DNAH5: variants seen among roughly 807,000 people sequenced by gnomAD.
The protein encoded by DNAH5 is axonemal beta dynein heavy chain 5.
In DNAH5, 372 loss-of-function variants were observed where a neutral mutation model predicts 518.2. The ratio of observed to expected loss-of-function variants is 0.72; its 90% CI spans 0.66 to 0.78. DNAH5 has a LOEUF of 0.78. Among genes scored for constraint, DNAH5 ranks in the 30% least tolerant of loss-of-function variants. The pLI, the probability that DNAH5 is intolerant of heterozygous loss-of-function variation, is 0.00. For synonymous variants in DNAH5, 2,039 were observed against 2,025.9 expected (o/e 1.01, Z -0.17); for missense variants, 5,523 against 5,687.0 (o/e 0.97, Z 0.93).
chr5:13,998,852 CT>C (rs1486127201), intron 1 of DNAH5, among the ~76,000 whole-genome samples: 1 of 152,050 alleles, frequency 6.6e-6, no homozygotes, highest in Non-Finnish European at 1.5e-5. Context: ...AATTTCTTTT[CT>C]TTTTTCCCCA....
chr5:13,843,451 T>C (rs965772677), intron 32 of DNAH5, among the ~76,000 whole-genome samples: 3 of 152,202 alleles, frequency 2.0e-5, no homozygotes, highest in Admixed American at 2.0e-4. Context: ...GGTTGAATTG[T>C]GTCTCTCAAA....
At chr5:13,857,710 A>G (rs987364298) in intron 30 of DNAH5, among the ~76,000 whole-genome samples, 1 of 152,178 alleles carries the variant, frequency 6.6e-6, no homozygotes, top group Non-Finnish European at 1.5e-5. Flanking sequence ...ATAACACCAC[A>G]CATCTACAAA....
chr5:13,958,207 T>G (rs1780903011), intron 1 of DNAH5, among the ~76,000 whole-genome samples: 1 of 152,070 alleles, frequency 6.6e-6, no homozygotes, highest in Non-Finnish European at 1.5e-5. Context: ...TCTCTATTTA[T>G]TAATTTCAAT....
chr5:13,776,340 G>A (rs1754083001), intron 55 of DNAH5, 99 bp downstream of exon 55: 2 of 1,488,974 alleles, frequency 1.3e-6, no homozygotes, highest in Non-Finnish European at 1.9e-6. Context: ...CCTGGAGCCT[G>A]CCTGGAGATC....
At chr5:13,927,449 C>T (rs540531292) in intron 3 of DNAH5, among the ~76,000 whole-genome samples, 3 of 152,052 alleles carry the variant, frequency 2.0e-5, no homozygotes, top group East Asian at 3.9e-4. Context: ...GTAGAGGTTG[C>T]GGGGAGCCAA....
Position 13,816,662 on chromosome 5 carries a change from T to C in DNAH5, c.6988+886A>G, listed in dbSNP as rs1304119383. On this transcript the variant is annotated intron_variant, in intron 42 of 78. Transcript: ENST00000265104. ...GGAACAAATCAGGAATAAAATTCGA[T>C]TTATTTCCAGTAGAACAAAAACAAT... Among the ~76,000 whole-genome samples the C allele has an allele frequency of 2.0e-5, 3 of 152,196 alleles. No homozygotes were observed. The East Asian group carries it at 5.8e-4, about 29-fold the overall frequency.
chr5:13,839,980 TC>T (rs955315181), intron 34 of DNAH5, among the ~76,000 whole-genome samples: 1 of 152,212 alleles, frequency 6.6e-6, no homozygotes, highest in Non-Finnish European at 1.5e-5. Flanking sequence ...TAATTATTTT[TC>T]CCAAGAATTA....
intron 41 of DNAH5, 137 bp from the exon 42 acceptor site, chr5:13,817,831 C>G: frequency 1.3e-6 from 1 of 746,328 alleles, no homozygotes; most frequent in South Asian, 1.8e-5. Context: ...GAAAATATGT[C>G]TTACTGCATT....
chr5:13,927,284 G>C (rs979099371), intron 3 of DNAH5, among the ~76,000 whole-genome samples: 1 of 152,128 alleles, frequency 6.6e-6, no homozygotes, highest in African/African-American at 2.4e-5. Flanking sequence ...ACAAGGTCGA[G>C]AGATCGAGAC....
chr5:13,728,088 T>C (rs1321761122), intron 69 of DNAH5, among the ~76,000 whole-genome samples: 1 of 152,224 alleles, frequency 6.6e-6, no homozygotes, highest in Admixed American at 6.5e-5. Flanking sequence ...AGAAGACATT[T>C]AACACATGTT....
chr5:13,942,214 C>T (rs1192488327), intron 1 of DNAH5, among the ~76,000 whole-genome samples: 1 of 152,082 alleles, frequency 6.6e-6, no homozygotes, highest in Non-Finnish European at 1.5e-5. Flanking sequence ...GTTTATGGTA[C>T]ATTTGGTTGT....
chr5:13,794,737 G>A (rs907120025), intron 47 of DNAH5, among the ~76,000 whole-genome samples: 2 of 152,086 alleles, frequency 1.3e-5, no homozygotes, highest in African/African-American at 4.8e-5. Flanking sequence ...AGGCAGAGGC[G>A]GGCAGATCAC....
At chr5:13,722,141 T>C (rs533864376) in intron 70 of DNAH5, among the ~76,000 whole-genome samples, 2 of 152,272 alleles carry the variant, frequency 1.3e-5, no homozygotes, top group South Asian at 4.1e-4. Context: ...TCCCAAGGGC[T>C]AGGCAGGTGA....
chr5:13,992,914 C>T (rs2152076015), intron 1 of DNAH5, among the ~76,000 whole-genome samples: 1 of 152,336 alleles, frequency 6.6e-6, no homozygotes, highest in East Asian at 1.9e-4. Flanking sequence ...ACAGAGACTG[C>T]TAGGCAGTGA....
chr5:13,797,192 T>C (rs1238123997), intron 47 of DNAH5, among the ~76,000 whole-genome samples: 3 of 152,112 alleles, frequency 2.0e-5, no homozygotes, highest in Admixed American at 6.6e-5. Flanking sequence ...AAAGCCAAAA[T>C]AGACAAACGG....
At chr5:13,784,789 T>C (rs1184195719) in intron 52 of DNAH5, among the ~76,000 whole-genome samples, 2 of 152,180 alleles carry the variant, frequency 1.3e-5, no homozygotes, top group Admixed American at 1.3e-4. Flanking sequence ...CAACAATGGA[T>C]TTTTACATGG....
chr5:13,878,542 G>A (rs1422284609), intron 21 of DNAH5, among the ~76,000 whole-genome samples: 1 of 152,154 alleles, frequency 6.6e-6, no homozygotes, highest in African/African-American at 2.4e-5. Flanking sequence ...CACTTCATGA[G>A]TGTTCCCTCT....
At chr5:13,796,978 T>C (rs1757922314) in intron 47 of DNAH5, among the ~76,000 whole-genome samples, 4 of 152,224 alleles carry the variant, frequency 2.6e-5, no homozygotes, top group Admixed American at 2.6e-4. Context: ...TAAATGGTGC[T>C]GGGAAAACTG....
At chr5:14,000,235 TGAGGACACGGG>T (rs1784254271) in intron 1 of DNAH5, among the ~76,000 whole-genome samples, 1 of 152,094 alleles carries the variant, frequency 6.6e-6, no homozygotes, top group African/African-American at 2.4e-5. Context: ...AAAGGCAATG[TGAGGACACGGG>T]GAGGACACAG....
Sources: gnomAD v4.1 joint callset for allele counts (sites outside exome capture counted in the v4.1 genomes callset) on GRCh38, gnomAD v4.1.1 for gene constraint, MANE v1.5 for transcripts, NCBI Gene and HGNC (gene_info 2026-07-23, HGNC 2026-07-21) for gene names.